The following DRC3 variants were observed in gnomAD, a reference collection of about 807,000 sequenced individuals.
The protein encoded by DRC3 is dynein regulatory complex subunit 3, also known as leucine rich repeat containing 48.
A neutral mutation model predicts 57.6 loss-of-function variants in DRC3; 45 were observed. The observed-to-expected ratio is 0.78, with a 90% CI of 0.62 to 1.00. DRC3 has a LOEUF of 1.00. Ranked by LOEUF, DRC3 falls within the 50% of genes least tolerant of loss-of-function variation. DRC3 has a pLI of 0.00. For missense variants in DRC3, 655 were observed against 675.2 expected (o/e 0.97, Z 0.33); for synonymous variants, 257 against 272.3 (o/e 0.94, Z 0.55).
At chr17:17,991,506 C>G (rs1041929439) in intron 5 of DRC3, among the ~76,000 whole-genome samples, 3 of 151,776 alleles carry the variant, frequency 2.0e-5, no homozygotes, top group Admixed American at 6.6e-5. Flanking sequence ...CCATGTTAGC[C>G]AGGATGGTCT....
chr17:17,994,155 A>T, intron 6 of DRC3, 144 bp from the exon 7 acceptor site: 1 of 1,100,204 alleles, frequency 9.1e-7, no homozygotes, highest in South Asian at 1.6e-5. Flanking sequence ...ACGAGACCTC[A>T]TGGCTTTCAC....
intron 2 of DRC3, among the ~76,000 whole-genome samples, chr17:17,976,831 G>A (rs747972091): frequency 1.3e-5 from 2 of 152,126 alleles, no homozygotes; most frequent in African/African-American, 4.8e-5. Flanking sequence ...TGTCTGTGTC[G>A]ATCTGTCTGT....
intron 3 of DRC3, among the ~76,000 whole-genome samples, chr17:17,979,712 G>C (rs546241999): frequency 6.6e-6 from 1 of 152,306 alleles, no homozygotes; most frequent in Non-Finnish European, 1.5e-5. Context: ...TGCTACTGCT[G>C]GGGGGCTGTC....
chr17:17,973,380 T>A (rs2042224939), intron 1 of DRC3, among the ~76,000 whole-genome samples: 1 of 152,178 alleles, frequency 6.6e-6, no homozygotes, highest in South Asian at 2.1e-4. Flanking sequence ...CCGCTTTGGA[T>A]GTGAATACGG....
chr17:17,977,964 G>A lies in DRC3; in HGVS notation c.160+206G>A, dbSNP rs139892029. The stretch of plus-strand genomic sequence containing the variant: ...GTGTCTTCATCATTTGAATATCCAC[G>A]ACGCTCCGGATTCTGAATAAGAATA... On this transcript the variant is annotated intron_variant, in intron 3 of 13. Transcript: ENST00000399187. The A allele has an allele frequency of 1.1e-3, 545 of 492,226 alleles. 4 individuals are homozygous for A. Among genetic ancestry groups the A allele is most frequent in the South Asian group, 5.9e-3 (182 of 30,814 alleles). 30.5% of individuals were successfully genotyped at this position (492,226 alleles called of 1,614,324 possible).
At chr17:18,006,845 T>TGGGGCA in intron 11 of DRC3, 179 bp from the exon 12 acceptor site, 1 of 895,618 alleles carries the variant, frequency 1.1e-6, no homozygotes, top group Non-Finnish European at 1.6e-6. Flanking sequence ...GTCCGAGGTG[T>TGGGGCA]GGGGCAGGGG....
Position 18,000,591 on chromosome 17 carries a change from G to A in DRC3, c.999+2957G>A, listed in dbSNP as rs571199716. On this transcript the variant is annotated intron_variant, in intron 9 of 13. Transcript: ENST00000399187. The stretch of plus-strand genomic sequence containing the variant: ...TGTTCCACTGAATAAGTTGGTGCAA[G>A]TTTGACCTGCAGGATGAAGTCCTAG... 9.9e-5 allele frequency among the ~76,000 whole-genome samples: 15 copies of A among 152,260 alleles called. No individual in the cohort carries two copies. The East Asian group carries it at 2.9e-3, about 29-fold the overall frequency.
chr17:17,978,129 A>G (rs551666694), intron 3 of DRC3, among the ~76,000 whole-genome samples: 18 of 152,156 alleles, frequency 1.2e-4, no homozygotes, highest in Non-Finnish European at 2.2e-4. Context: ...CGTAGCCAGA[A>G]GCAGAGGGTA....
intron 12 of DRC3, chr17:18,011,548 G>A (rs949775080): frequency 5.9e-6 from 1 of 170,472 alleles, no homozygotes. Context: ...TGCACCCAGG[G>A]GCACTGGCAT....
chr17:17,977,590 T>G lies in DRC3; in HGVS notation c.-9T>G. On this transcript the variant is annotated 5_prime_UTR_variant, in exon 3 of 14. Coordinates refer to ENST00000399187, the MANE Select transcript of DRC3 (RefSeq NM_031294.4). Reference sequence around the variant, plus strand: ...AATGCGGTGTTTTTTAGGGAAAACGTGGGGGAAGATGAACCAGCCGTGCAA... The same window carrying G: ...AATGCGGTGTTTTTTAGGGAAAACGGGGGGGAAGATGAACCAGCCGTGCAA... 30 of 1,613,396 alleles carry G rather than the reference T, an allele frequency of 1.9e-5. No individual in the cohort carries two copies. Among genetic ancestry groups the G allele is most frequent in the Non-Finnish European group, 2.5e-5 (30 of 1,179,674 alleles).
intron 2 of DRC3, 96 bp from the exon 3 acceptor site, chr17:17,977,486 G>C: frequency 7.0e-7 from 1 of 1,434,606 alleles, no homozygotes; most frequent in Non-Finnish European, 9.7e-7. Flanking sequence ...CAGAGTGCCA[G>C]TGGCCACAAG....
intron 8 of DRC3, 147 bp downstream of exon 8, chr17:17,995,258 G>A (rs1474705036): frequency 1.6e-6 from 1 of 618,078 alleles, no homozygotes; most frequent in Non-Finnish European, 2.9e-6. Context: ...GTACCCAACA[G>A]GCAGTTCAGA....
chr17:17,984,446 C>A (rs1372405074), intron 4 of DRC3, among the ~76,000 whole-genome samples: 1 of 152,152 alleles, frequency 6.6e-6, no homozygotes, highest in Admixed American at 6.6e-5. Flanking sequence ...ACTGAGGTCA[C>A]CACACCACAT....
intron 10 of DRC3, 78 bp from the exon 11 acceptor site, chr17:18,006,105 C>T (rs1449923068): frequency 7.5e-6 from 8 of 1,059,960 alleles, no homozygotes; most frequent in Non-Finnish European, 1.0e-5. Context: ...GAGCTGGTTG[C>T]TAAATTTTGA....
intron 2 of DRC3, among the ~76,000 whole-genome samples, chr17:17,974,958 A>G (rs1316343962): frequency 1.3e-5 from 2 of 152,230 alleles, no homozygotes; most frequent in Non-Finnish European, 1.5e-5. Flanking sequence ...CCTTTTACAG[A>G]TGGGAAAGCC....
At chr17:18,010,025 C>G (rs564303518) in intron 12 of DRC3, among the ~76,000 whole-genome samples, 1 of 152,186 alleles carries the variant, frequency 6.6e-6, no homozygotes, top group South Asian at 2.1e-4. Context: ...CCTGGCTGCT[C>G]TGAACATCCA....
Position 18,004,362 on chromosome 17 carries a change from G to C in DRC3, c.1000-1G>C, listed in dbSNP as rs2145411375. The C allele has an allele frequency of 6.3e-7, 1 of 1,599,842 alleles. No homozygotes were observed. Among genetic ancestry groups the C allele is most frequent in the African/African-American group, 1.3e-5 (1 of 74,928 alleles). On this transcript the variant is annotated splice_acceptor_variant, in intron 9 of 13. Transcript: ENST00000399187. LOFTEE classifies it high-confidence loss of function. ...CCTAAAGTGCAGTCTATTGTTTCTA[G>C]AGTTTAAGTGCCATTCGAGAGGAGT...
chr17:17,993,891 G>C (rs982179122), intron 6 of DRC3: 23 of 233,452 alleles, frequency 9.9e-5, no homozygotes, highest in Non-Finnish European at 1.7e-4. Context: ...CTCTACCTCT[G>C]TCCTGTTGTC....
chr17:17,997,694 G>T (rs1026764902), intron 9 of DRC3, 60 bp downstream of exon 9: 25 of 1,454,118 alleles, frequency 1.7e-5, no homozygotes, highest in African/African-American at 7.2e-5. Flanking sequence ...CCCTGCTCTT[G>T]CCACTCCCAC....
Sources: allele counts gnomAD v4.1 joint callset (sites outside exome capture counted in the v4.1 genomes callset), GRCh38; gene constraint gnomAD v4.1.1; transcripts MANE v1.5; gene names NCBI Gene and HGNC (gene_info 2026-07-23, HGNC 2026-07-21).